Variants in MAGI2 observed in about 807,000 individuals in gnomAD.
The protein encoded by MAGI2 is membrane associated guanylate kinase, WW and PDZ domain containing 2.
MAGI2 carries 35 observed loss-of-function variants against 133.3 expected under a neutral mutation model. That is an observed-to-expected ratio of 0.26 (90% CI 0.20 to 0.35). The LOEUF (loss-of-function observed/expected upper bound fraction) is 0.35. Among genes scored for constraint, MAGI2 ranks in the 10% least tolerant of loss-of-function variants. The pLI is 1.00. For missense variants in MAGI2, 1,636 were observed against 1,863.4 expected, an observed-to-expected ratio of 0.88 and a Z score of 2.25; for synonymous variants, 729 against 710.6, an observed-to-expected ratio of 1.03 and a Z score of -0.41.
chr7:78,600,444 C>T (rs1805078808), intron 3 of MAGI2, among the ~76,000 whole-genome samples: 1 of 151,798 alleles, frequency 6.6e-6, no homozygotes, highest in Non-Finnish European at 1.5e-5. Flanking sequence ...TGATGCCATA[C>T]AAAAAATGAT....
At chr7:78,241,436 G>T (rs1259680159) in intron 10 of MAGI2, among the ~76,000 whole-genome samples, 3 of 152,038 alleles carry the variant, frequency 2.0e-5, no homozygotes, top group East Asian at 1.9e-4. Context: ...TTAGGATGGG[G>T]TATCTTGTCA....
intron 1 of MAGI2, among the ~76,000 whole-genome samples, chr7:79,038,438 T>C (rs1178063232): frequency 2.6e-5 from 4 of 152,200 alleles, no homozygotes; most frequent in Non-Finnish European, 5.9e-5. Context: ...CCCTTTTTTA[T>C]GGCCAATAGA....
At chr7:79,020,486 G>A (rs1809201624) in intron 1 of MAGI2, among the ~76,000 whole-genome samples, 1 of 152,140 alleles carries the variant, frequency 6.6e-6, no homozygotes, top group African/African-American at 2.4e-5. Context: ...TGAGGAACTG[G>A]TCAGGCGCGG....
At chr7:78,165,545 C>T (rs1050565778) in intron 15 of MAGI2, among the ~76,000 whole-genome samples, 1 of 152,064 alleles carries the variant, frequency 6.6e-6, no homozygotes, top group Non-Finnish European at 1.5e-5. Context: ...AAGGAGAAGG[C>T]GGAAGCGTGT....
chr7:78,501,926 A>T (rs1315966897), intron 4 of MAGI2, 139 bp from the exon 5 acceptor site: 1 of 633,900 alleles, frequency 1.6e-6, no homozygotes, highest in Non-Finnish European at 2.8e-6. Context: ...GAAAAAGCAT[A>T]ATGATCACTA....
At chr7:79,332,444 T>C (rs1840151177) in intron 1 of MAGI2, among the ~76,000 whole-genome samples, 1 of 152,190 alleles carries the variant, frequency 6.6e-6, no homozygotes, top group South Asian at 2.1e-4. Flanking sequence ...TCCCTAATTC[T>C]TCAATAGTTT....
chr7:78,788,135 T>A (rs7802641), intron 2 of MAGI2, among the ~76,000 whole-genome samples: 1,934 of 152,332 alleles, frequency 0.013, 37 homozygotes, highest in African/African-American at 0.042. Context: ...CCAAATGGAC[T>A]TCTGCTTCTT....
chr7:79,054,451 A>T (rs1416971029), intron 1 of MAGI2, among the ~76,000 whole-genome samples: 1 of 152,190 alleles, frequency 6.6e-6, no homozygotes, highest in East Asian at 1.9e-4. Context: ...TGTAAATGAC[A>T]TCATAATTCT....
intron 1 of MAGI2, among the ~76,000 whole-genome samples, chr7:79,416,077 A>G (rs1468872705): frequency 6.6e-6 from 1 of 152,180 alleles, no homozygotes; most frequent in East Asian, 1.9e-4. Context: ...GAGTCCATAG[A>G]GCTTGCTTCA....
intron 2 of MAGI2, among the ~76,000 whole-genome samples, chr7:78,877,792 T>C (rs1472025127): frequency 6.6e-6 from 1 of 152,242 alleles, no homozygotes; most frequent in Non-Finnish European, 1.5e-5. Context: ...ATTGGCTGAT[T>C]ACATGATTGA....
chr7:78,820,933 A>G (rs1427764995), intron 2 of MAGI2, among the ~76,000 whole-genome samples: 1 of 151,990 alleles, frequency 6.6e-6, no homozygotes, highest in African/African-American at 2.4e-5. Flanking sequence ...AATTTGATAA[A>G]TTTTTAATTG....
intron 1 of MAGI2, among the ~76,000 whole-genome samples, chr7:79,064,467 G>C (rs184952072): frequency 6.6e-6 from 1 of 152,046 alleles, no homozygotes; most frequent in Non-Finnish European, 1.5e-5. Flanking sequence ...CTTTTTAGAA[G>C]AGGAAGAAGA....
At chr7:79,317,845 A>T (rs893741082) in intron 1 of MAGI2, among the ~76,000 whole-genome samples, 8 of 150,912 alleles carry the variant, frequency 5.3e-5, no homozygotes, top group Admixed American at 2.0e-4. Context: ...GCATTTGTTT[A>T]CTTAACTGGA....
At chr7:78,835,376 T>C (rs903387793) in intron 2 of MAGI2, among the ~76,000 whole-genome samples, 1 of 152,180 alleles carries the variant, frequency 6.6e-6, no homozygotes, top group Non-Finnish European at 1.5e-5. Context: ...GCAACAGATG[T>C]AGCATGTAAT....
chr7:78,582,689 T>G (rs897795274), intron 3 of MAGI2, among the ~76,000 whole-genome samples: 9 of 152,236 alleles, frequency 5.9e-5, no homozygotes, highest in African/African-American at 2.2e-4. Flanking sequence ...TTTATTGGGT[T>G]AAAACATTTT....
chr7:78,823,766 G>A (rs1258836739), intron 2 of MAGI2, among the ~76,000 whole-genome samples: 1 of 152,096 alleles, frequency 6.6e-6, no homozygotes, highest in African/African-American at 2.4e-5. Flanking sequence ...TTCAGCATAT[G>A]CTAAGAAAAT....
intron 2 of MAGI2, among the ~76,000 whole-genome samples, chr7:79,001,180 G>T (rs1402639229): frequency 6.6e-6 from 1 of 152,188 alleles, no homozygotes; most frequent in Non-Finnish European, 1.5e-5. Flanking sequence ...CTCCCAAAGT[G>T]CTGGGATTAC....
At position 78,760,360 on chromosome 7, in the gene MAGI2, TC is replaced by T. The variant is rs1171796876; in HGVS notation, c.419-133122del. 1.4e-4 allele frequency among the ~76,000 whole-genome samples: 15 copies of T among 105,870 alleles called. No individual in the cohort carries two copies. In the South Asian group the frequency reaches 4.1e-3, roughly 29 times the overall value. The allele number at this position is 105,870 out of a possible 152,430, so 69.5% of individuals were successfully genotyped here. On this transcript the variant is annotated intron_variant, in intron 2 of 21. Transcript: ENST00000354212. ...GTCCTACAACTGGACTTTAATTCTCTCTTTTTTTTTTTTTTTTTTGAGATGA... is the reference window on the plus strand; with the variant it reads ...GTCCTACAACTGGACTTTAATTCTCTTTTTTTTTTTTTTTTTTTGAGATGA...
At chr7:78,030,296 GCT>G (rs1809429494) in intron 21 of MAGI2, among the ~76,000 whole-genome samples, 1 of 152,052 alleles carries the variant, frequency 6.6e-6, no homozygotes. Context: ...ATGGAGTCTC[GCT>G]CTGTCACCAG....
Sources: allele counts gnomAD v4.1 joint callset (sites outside exome capture counted in the v4.1 genomes callset), GRCh38; gene constraint gnomAD v4.1.1; transcripts MANE v1.5; gene names NCBI Gene and HGNC (gene_info 2026-07-23, HGNC 2026-07-21).